The following PTCHD4 variants were observed in gnomAD, a reference collection of about 807,000 sequenced individuals.
PTCHD4 encodes patched domain-containing protein 4.
A neutral mutation model predicts 58.1 loss-of-function variants in PTCHD4; 33 were observed. That is an observed-to-expected ratio of 0.57 (90% CI 0.43 to 0.76). The LOEUF (loss-of-function observed/expected upper bound fraction) is 0.76. Ranked by LOEUF, PTCHD4 falls within the 30% of genes least tolerant of loss-of-function variation. The pLI, the probability that PTCHD4 is intolerant of heterozygous loss-of-function variation, is 0.00. For synonymous variants in PTCHD4, 478 were observed against 409.6 expected (o/e 1.17, Z -2.02); for missense variants, 1,058 against 1,027.1 (o/e 1.03, Z -0.41).
chr6:48,103,026 G>C (rs1765641484), intron 1 of PTCHD4, among the ~76,000 whole-genome samples: 1 of 152,220 alleles, frequency 6.6e-6, no homozygotes, highest in African/African-American at 2.4e-5. Flanking sequence ...CACCTCTGGG[G>C]GCAGGGCACA....
At chr6:48,004,086 C>T (rs371949790) in intron 4 of PTCHD4, among the ~76,000 whole-genome samples, 6 of 152,114 alleles carry the variant, frequency 3.9e-5, no homozygotes, top group Non-Finnish European at 7.3e-5. Flanking sequence ...AGTCCTAAAA[C>T]GTAAGGTTCA....
intron 3 of PTCHD4, among the ~76,000 whole-genome samples, chr6:48,027,834 C>T (rs1039877295): frequency 1.6e-4 from 25 of 152,014 alleles, no homozygotes; most frequent in Admixed American, 1.6e-3. Context: ...TGTCTACTTC[C>T]TAATTTTCTC....
rs375546486 is a variant in PTCHD4, at chr6:48,070,411, G to T, written c.-969-485C>A. On this transcript the variant is annotated intron_variant, in intron 1 of 4. Coordinates refer to ENST00000339488, the MANE Select transcript of PTCHD4 (RefSeq NM_001384253.1). ...TATATACCTTTTATTTTTTTCTACTGGAATTGATTCTTCAGTTAAGAGACC... is the reference window on the plus strand; with the variant it reads ...TATATACCTTTTATTTTTTTCTACTTGAATTGATTCTTCAGTTAAGAGACC... Among the ~76,000 whole-genome samples the T allele has an allele frequency of 8.6e-5, 13 of 152,022 alleles. No homozygotes were observed. The East Asian group carries it at 2.3e-3, about 27-fold the overall frequency.
intron 3 of PTCHD4, among the ~76,000 whole-genome samples, chr6:48,048,499 T>A (rs1359820056): frequency 6.6e-6 from 1 of 151,960 alleles, no homozygotes; most frequent in African/African-American, 2.4e-5. Flanking sequence ...ATCTTTCCTA[T>A]GTTGCCAAAA....
intron 3 of PTCHD4, among the ~76,000 whole-genome samples, chr6:48,010,867 C>A (rs1165673989): frequency 6.6e-6 from 1 of 152,138 alleles, no homozygotes; most frequent in African/African-American, 2.4e-5. Flanking sequence ...TGTTAGTTTG[C>A]TGAGAATGGT....
Position 48,009,044 on chromosome 6 carries a change from C to A in PTCHD4, c.488G>T (p.Arg163Leu). ...VVEVPNSKDQ[R>L]VKSARAIQIT... is the part of the protein sequence containing the mutation. ...TTGAATGGCTCTGGCTGACTTGACC[C>A]GCTGATCTTTGCTGTTTGGCACTTC... The change falls in exon 4 of 5, where the codon CGG (arginine) becomes CTG (leucine). Residue 163 changes from arginine to leucine, a missense_variant. Transcript: ENST00000339488. The A allele has an allele frequency of 1.9e-6, 3 of 1,613,820 alleles. No homozygotes were observed. The South Asian group carries it at 3.3e-5, about 18-fold the overall frequency.
chr6:47,907,909 C>G (rs946534899), intron 4 of PTCHD4, among the ~76,000 whole-genome samples: 7 of 152,114 alleles, frequency 4.6e-5, no homozygotes, highest in African/African-American at 1.7e-4. Context: ...GTTTCTCCCT[C>G]TATCAATTAG....
In PTCHD4 at chr6:47,910,144, T is replaced by C. The variant is rs138109909; in HGVS notation, c.899-30208A>G. 2.4e-4 allele frequency among the ~76,000 whole-genome samples: 37 copies of C among 152,302 alleles called. No homozygotes were observed. The East Asian group carries it at 6.8e-3, about 28-fold the overall frequency. ...TCTGTCTCCTCTAGGACTTTCTCCA[T>C]TGTAGACATTGATACAATGTCATCT... is the stretch of plus-strand genomic sequence containing the variant. On this transcript the variant is annotated intron_variant, in intron 4 of 4. Transcript: ENST00000339488.
chr6:47,901,689 T>C, intron 4 of PTCHD4: 3 of 1,161,894 alleles, frequency 2.6e-6, no homozygotes, highest in Non-Finnish European at 2.2e-6. Flanking sequence ...GGAGGATACT[T>C]AACCTCCAAA....
intron 4 of PTCHD4, among the ~76,000 whole-genome samples, chr6:47,947,625 T>C (rs1766476496): frequency 6.6e-6 from 1 of 152,202 alleles, no homozygotes; most frequent in South Asian, 2.1e-4. Context: ...TATTCTACCA[T>C]GCATAGTTGT....
chr6:48,062,945 G>A (rs556528234), intron 3 of PTCHD4, among the ~76,000 whole-genome samples: 178 of 152,258 alleles, frequency 1.2e-3, no homozygotes, highest in Non-Finnish European at 5.9e-4. Context: ...CATTGGTGAC[G>A]AGACTTGCCT....
rs1487018006 is a variant in PTCHD4, at chr6:48,051,620, C to T, written c.417+16610G>A. On this transcript the variant is annotated intron_variant, in intron 3 of 4. Transcript: ENST00000339488. ...GGTCCATACCCATAAAATTTTCCTG[C>T]TTTGTATTCATTTTTTAAGTCTATA... Among the ~76,000 whole-genome samples the T allele has an allele frequency of 4.6e-5, 7 of 151,954 alleles. No individual in the cohort carries two copies. In the East Asian group the frequency reaches 1.2e-3, roughly 25 times the overall value.
chr6:48,105,023 G>A (rs1268273581), intron 1 of PTCHD4, among the ~76,000 whole-genome samples: 7 of 152,144 alleles, frequency 4.6e-5, no homozygotes, highest in Admixed American at 6.5e-5. Context: ...ACAGCCCACT[G>A]TCAATATTAG....
intron 1 of PTCHD4, among the ~76,000 whole-genome samples, chr6:48,083,738 A>T (rs1314735615): frequency 6.6e-6 from 1 of 152,196 alleles, no homozygotes; most frequent in Admixed American, 6.5e-5. Context: ...ATGTGTCTGG[A>T]GTATCTAAGA....
At chr6:48,033,479 T>C (rs1244735904) in intron 3 of PTCHD4, among the ~76,000 whole-genome samples, 2 of 151,494 alleles carry the variant, frequency 1.3e-5, no homozygotes, top group Non-Finnish European at 2.9e-5. Flanking sequence ...CTCCATCTAG[T>C]GAGACCGGCC....
intron 4 of PTCHD4, among the ~76,000 whole-genome samples, chr6:47,972,669 A>G (rs538511687): frequency 3.3e-5 from 5 of 152,026 alleles, no homozygotes; most frequent in Non-Finnish European, 7.4e-5. Context: ...GTATCAATCT[A>G]TCACCTATCT....
intron 3 of PTCHD4, among the ~76,000 whole-genome samples, chr6:48,050,983 A>G (rs1479903935): frequency 6.6e-6 from 1 of 152,016 alleles, no homozygotes; most frequent in Non-Finnish European, 1.5e-5. Flanking sequence ...GAAAAAAGAG[A>G]AAAATGCACA....
chr6:48,017,748 G>A (rs1221375715), intron 3 of PTCHD4, among the ~76,000 whole-genome samples: 1 of 152,172 alleles, frequency 6.6e-6, no homozygotes, highest in Admixed American at 6.5e-5. Flanking sequence ...CTACTAAGTG[G>A]CACAGCCAAT....
At chr6:47,936,347 C>T (rs1224522578) in intron 4 of PTCHD4, among the ~76,000 whole-genome samples, 4 of 152,298 alleles carry the variant, frequency 2.6e-5, no homozygotes, top group Non-Finnish European at 5.9e-5. Flanking sequence ...AGGAAGAGTG[C>T]TTTCTTTCAC....
Sources: allele counts gnomAD v4.1 joint callset (sites outside exome capture counted in the v4.1 genomes callset), GRCh38; gene constraint gnomAD v4.1.1; transcripts MANE v1.5; gene names NCBI Gene and HGNC (gene_info 2026-07-23, HGNC 2026-07-21).